The following CYSLTR1 variants were observed in gnomAD, a reference collection of about 807,000 sequenced individuals.
The protein encoded by CYSLTR1 is cysteinyl leukotriene receptor 1.
A neutral mutation model predicts 2.1 loss-of-function variants in CYSLTR1; 1 was observed. The ratio of observed to expected loss-of-function variants is 0.48; its 90% CI spans 0.17 to 2.28. The LOEUF is 2.28. CYSLTR1 is among the 30% of genes most tolerant of loss of function. CYSLTR1 has a pLI of 0.26. For synonymous variants in CYSLTR1, 110 were observed against 89.6 expected (o/e 1.23, Z -1.28); for missense variants, 299 against 250.1 (o/e 1.20, Z -1.32).
At chrX:78,297,942 T>C (rs945308697) in intron 1 of CYSLTR1, among the ~76,000 whole-genome samples, 4 of 111,792 alleles carry the variant, frequency 3.6e-5, no homozygotes, top group African/African-American at 1.3e-4. Context: ...CTTGCTTTTC[T>C]AGTTGTTTAA....
intron 1 of CYSLTR1, among the ~76,000 whole-genome samples, chrX:78,291,860 CTTT>C (rs930266211): frequency 4.7e-5 from 5 of 105,515 alleles, no homozygotes. Flanking sequence ...CTCTTTTCTT[CTTT>C]ATTAGTCTTG....
At chrX:78,298,255 A>AT (rs1922661532) in intron 1 of CYSLTR1, among the ~76,000 whole-genome samples, 2 of 111,583 alleles carry the variant, frequency 1.8e-5, no homozygotes, top group Admixed American at 9.5e-5. Context: ...TATTATTTCA[A>AT]TTTTTTGAAT....
rs746623124 is a variant in CYSLTR1, at chrX:78,272,491, A to C, written c.*242T>G. The C allele has an allele frequency of 4.0e-6, 1 of 246,985 alleles. No homozygotes were observed. The highest frequency in any genetic ancestry group is 2.8e-5 in the African/African-American group (1 of 35,469). 20.4% of individuals were successfully genotyped at this position (246,985 alleles called of 1,213,427 possible). The stretch of plus-strand genomic sequence containing the variant: ...AGTGCAAAGATAAAAATATTCTCCA[A>C]ATTCTGGTGAGTGGTCAAAATTATT... On this transcript the variant is annotated 3_prime_UTR_variant, in exon 3 of 3. Transcript: ENST00000373304.
In CYSLTR1 at chrX:78,303,429, T is replaced by C. The variant is rs749158192; in HGVS notation, c.-114-19889A>G. 5.7e-5 allele frequency among the ~76,000 whole-genome samples: 6 copies of C among 105,978 alleles called. No homozygotes were observed. In the East Asian group the frequency reaches 1.8e-3, roughly 31 times the overall value. 92.0% of individuals were successfully genotyped at this position (105,978 alleles called of 115,157 possible). A position where few individuals can be genotyped will look rare whatever the true frequency, so the allele number is the denominator to read the frequency against. ...GGTTCTTACAAAGGTTTTTTTTTAA[T>C]GTAGATAGTTGTTAAATTGGTGTCC... On this transcript the variant is annotated intron_variant, in intron 1 of 2. Coordinates refer to ENST00000373304, the MANE Select transcript of CYSLTR1 (RefSeq NM_006639.4).
intron 2 of CYSLTR1, among the ~76,000 whole-genome samples, chrX:78,278,416 G>A (rs1326607600): frequency 8.9e-6 from 1 of 111,744 alleles, no homozygotes; most frequent in African/African-American, 3.3e-5. Context: ...TAGCAAGGGA[G>A]GTGGAAGATC....
At chrX:78,316,535 G>A (rs1923425762) in intron 1 of CYSLTR1, among the ~76,000 whole-genome samples, 1 of 111,958 alleles carries the variant, frequency 8.9e-6, no homozygotes. Flanking sequence ...GGCACCATTA[G>A]TGGAGCACTA....
At chrX:78,289,363 T>C (rs1375682906) in intron 1 of CYSLTR1, among the ~76,000 whole-genome samples, 3 of 112,486 alleles carry the variant, frequency 2.7e-5, no homozygotes, top group African/African-American at 6.5e-5. Context: ...CAGTCTATCA[T>C]TGATGGACAT....
intron 1 of CYSLTR1, among the ~76,000 whole-genome samples, chrX:78,304,993 G>A (rs1438663763): frequency 9.0e-6 from 1 of 111,356 alleles, no homozygotes; most frequent in African/African-American, 3.3e-5. Flanking sequence ...CTTGTTATTG[G>A]GCCAGGAGAA....
At chrX:78,300,903 A>G (rs1922793286) in intron 1 of CYSLTR1, among the ~76,000 whole-genome samples, 2 of 112,525 alleles carry the variant, frequency 1.8e-5, no homozygotes, top group South Asian at 7.3e-4. Context: ...GCATTTCCAT[A>G]CATCCTCTGA....
chrX:78,282,905 C>T (rs1458309040), intron 2 of CYSLTR1, among the ~76,000 whole-genome samples: 2 of 111,964 alleles, frequency 1.8e-5, no homozygotes, highest in Non-Finnish European at 3.8e-5. Context: ...TTAATAACTT[C>T]CCAGTCCTTG....
intron 1 of CYSLTR1, among the ~76,000 whole-genome samples, chrX:78,323,314 T>C (rs1923737286): frequency 8.9e-6 from 1 of 112,266 alleles, no homozygotes; most frequent in African/African-American, 3.2e-5. Flanking sequence ...GCTTCTATCA[T>C]CTTGGCATTT....
intron 2 of CYSLTR1, among the ~76,000 whole-genome samples, chrX:78,281,057 C>T (rs967254427): frequency 4.5e-5 from 5 of 111,399 alleles, no homozygotes; most frequent in Admixed American, 9.5e-5. Context: ...TGCATGCACA[C>T]GTCTTTATGG....
intron 1 of CYSLTR1, among the ~76,000 whole-genome samples, chrX:78,293,422 A>G (rs1480008849): frequency 9.0e-6 from 1 of 110,799 alleles, no homozygotes; most frequent in Non-Finnish European, 1.9e-5. Flanking sequence ...TTTTTCCTTC[A>G]TTTCAACTTT....
chrX:78,277,726 T>C (rs1031181223), intron 2 of CYSLTR1, among the ~76,000 whole-genome samples: 3 of 110,981 alleles, frequency 2.7e-5, no homozygotes, highest in African/African-American at 9.9e-5. Flanking sequence ...TATACCACAG[T>C]CAAACCCTCA....
At chrX:78,298,538 A>G (rs1922675351) in intron 1 of CYSLTR1, among the ~76,000 whole-genome samples, 1 of 111,226 alleles carries the variant, frequency 9.0e-6, no homozygotes, top group Non-Finnish European at 1.9e-5. Context: ...TATTTCCTTT[A>G]TATATCTGGA....
At chrX:78,304,094 T>C (rs1344987959) in intron 1 of CYSLTR1, among the ~76,000 whole-genome samples, 1 of 111,963 alleles carries the variant, frequency 8.9e-6, no homozygotes, top group African/African-American at 3.2e-5. Context: ...TTTGAGTGTA[T>C]TAGCTGTGCT....
chrX:78,281,212 A>C (rs1314769449), intron 2 of CYSLTR1, among the ~76,000 whole-genome samples: 2 of 110,100 alleles, frequency 1.8e-5, no homozygotes, highest in Admixed American at 9.7e-5. Context: ...ACAGTGTATA[A>C]GTGTTTTTTT....
intron 1 of CYSLTR1, among the ~76,000 whole-genome samples, chrX:78,302,210 G>T (rs1182257671): frequency 1.8e-5 from 2 of 112,164 alleles, no homozygotes; most frequent in African/African-American, 6.5e-5. Flanking sequence ...AGCCCAAAGG[G>T]TGTACTCCCA....
chrX:78,291,307 C>T (rs192348851), intron 1 of CYSLTR1, among the ~76,000 whole-genome samples: 20 of 111,488 alleles, frequency 1.8e-4, no homozygotes, highest in African/African-American at 2.6e-4. Flanking sequence ...GGGATGAAGC[C>T]GATTTGATCG....
Sources: gnomAD v4.1 joint callset for allele counts (sites outside exome capture counted in the v4.1 genomes callset) on GRCh38, gnomAD v4.1.1 for gene constraint, MANE v1.5 for transcripts, NCBI Gene and HGNC (gene_info 2026-07-23, HGNC 2026-07-21) for gene names.